ARHGEF10L: variants seen among roughly 807,000 people sequenced by gnomAD.
ARHGEF10L encodes the protein rho guanine nucleotide exchange factor 10-like protein.
Under a neutral mutation model 141.2 loss-of-function variants are expected in ARHGEF10L, and 69 were observed. The ratio of observed to expected loss-of-function variants is 0.49; its 90% confidence interval spans 0.40 to 0.60. ARHGEF10L has a LOEUF of 0.60. Ranked by LOEUF, ARHGEF10L falls within the 20% of genes least tolerant of loss-of-function variation. The probability of loss-of-function intolerance (pLI) is 0.00; values close to 1 mark genes in which losing one functional copy is unlikely to be tolerated. For synonymous variants in ARHGEF10L, 711 were observed against 718.5 expected, an observed-to-expected ratio of 0.99 and a Z score of 0.17; for missense variants, 1,482 against 1,734.3, an observed-to-expected ratio of 0.85 and a Z score of 2.58.
At chr1:17,695,370 A>G in intron 28 of ARHGEF10L, 90 bp downstream of exon 28, 2 of 1,482,942 alleles carry the variant, frequency 1.3e-6, no homozygotes, top group South Asian at 1.4e-5. Context: ...TTATGCCCTC[A>G]TTGGTATAGG....
intron 1 of ARHGEF10L, among the ~76,000 whole-genome samples, chr1:17,571,510 G>C (rs1169470562): frequency 6.6e-6 from 1 of 152,070 alleles, no homozygotes; most frequent in East Asian, 1.9e-4. Context: ...CAGATGAGCA[G>C]TAATGCAGCG....
intron 1 of ARHGEF10L, among the ~76,000 whole-genome samples, chr1:17,543,330 C>T (rs2076798274): frequency 6.6e-6 from 1 of 152,182 alleles, no homozygotes; most frequent in Non-Finnish European, 1.5e-5. Flanking sequence ...TGCGTGTAAT[C>T]CCAGCACTTT....
chr1:17,631,673 C>T (rs116175309), intron 15 of ARHGEF10L, among the ~76,000 whole-genome samples: 2,228 of 152,304 alleles, frequency 0.015, 68 homozygotes, highest in African/African-American at 0.051. Flanking sequence ...TGTGCCATCA[C>T]ACATGACCTG....
At chr1:17,560,936 T>A (rs74311669) in intron 1 of ARHGEF10L, among the ~76,000 whole-genome samples, 6,566 of 152,296 alleles carry the variant, frequency 0.043, 227 homozygotes, top group East Asian at 0.16. Context: ...GTTTCTGTCC[T>A]CTGGGAGCTG....
intron 1 of ARHGEF10L, among the ~76,000 whole-genome samples, chr1:17,552,117 C>T (rs2077131929): frequency 6.6e-6 from 1 of 152,062 alleles, no homozygotes; most frequent in African/African-American, 2.4e-5. Flanking sequence ...GGGGCTGGTG[C>T]AGGATTTGAT....
intron 8 of ARHGEF10L, among the ~76,000 whole-genome samples, chr1:17,614,365 C>G (rs932254842): frequency 1.3e-5 from 2 of 152,238 alleles, no homozygotes; most frequent in African/African-American, 4.8e-5. Context: ...CTGGGCCTTT[C>G]CCCCGCTTCG....
At chr1:17,548,540 CA>C (rs2076993249) in intron 1 of ARHGEF10L, among the ~76,000 whole-genome samples, 1 of 151,760 alleles carries the variant, frequency 6.6e-6, no homozygotes, top group Admixed American at 6.6e-5. Context: ...AAATTTATGT[CA>C]CCTTTACAAA....
At chr1:17,663,558 A>G (rs78717613) in intron 25 of ARHGEF10L, among the ~76,000 whole-genome samples, 5 of 97,908 alleles carry the variant, frequency 5.1e-5, no homozygotes, top group Admixed American at 8.9e-5. Context: ...TGTCTCAAAG[A>G]AAAAAAAAAA....
In ARHGEF10L at chr1:17,558,967, A is replaced by T. The variant is rs1056933919; in HGVS notation, c.-44+19017A>T. 5.9e-5 allele frequency among the ~76,000 whole-genome samples: 9 copies of T among 152,102 alleles called. No homozygotes were observed. Among genetic ancestry groups the T allele is most frequent in the Admixed American group, 5.9e-4 (9 of 15,274 alleles). ...AGATTGGAGCCTTTGCATTCATGAA[A>T]GCTGATGACTCCTTTCCACCAGTGA... On this transcript the variant is annotated intron_variant, in intron 1 of 28. Transcript: ENST00000361221. The surrounding 1 kb of genome is among the most constrained non-coding windows in gnomAD (Gnocchi z 4.2).
In ARHGEF10L at chr1:17,696,861, C is replaced by G; in HGVS notation, c.3321C>G (p.Val1107=). 6 of 1,557,066 alleles carry G rather than the reference C, an allele frequency of 3.9e-6. No homozygotes were observed. Among genetic ancestry groups the G allele is most frequent in the South Asian group, 1.2e-5 (1 of 84,390 alleles). The change falls in exon 29 of 29, where the codon GTC becomes GTG. Residue 1107 remains valine, a synonymous_variant. Transcript: ENST00000361221. Reference sequence around the variant, plus strand: ...CATTTTCTGCAGGGAAAGGCATGGTCTCACTCAACGGGCACTGTGGGCCTG... The same window carrying G: ...CATTTTCTGCAGGGAAAGGCATGGTGTCACTCAACGGGCACTGTGGGCCTG... ...GIPKITGKGM[V]SLNGHCGPVA... is the part of the protein sequence containing the mutation.
At chr1:17,579,572 C>A (rs1327308054) in intron 1 of ARHGEF10L, among the ~76,000 whole-genome samples, 2 of 152,206 alleles carry the variant, frequency 1.3e-5, no homozygotes, top group Non-Finnish European at 2.9e-5. Context: ...GTTGGCAATG[C>A]AAGAATGTCT....
chr1:17,631,689 T>C (rs2060702444), intron 15 of ARHGEF10L, among the ~76,000 whole-genome samples: 1 of 152,244 alleles, frequency 6.6e-6, no homozygotes, highest in African/African-American at 2.4e-5. Context: ...ACCTGTGCCA[T>C]CATACATGGC....
rs947919906 is a variant in ARHGEF10L at position 17,627,726 on chromosome 1, G to T, written c.1584+223G>T. ...AGATAAAAGTTCATTTTGTGCATCA[G>T]TGTGATTTCCAGTAAAGTCTCCAGA... On this transcript the variant is annotated intron_variant, in intron 15 of 28. Transcript: ENST00000361221. This position sits in a 1 kb window ranked among gnomAD's most constrained non-coding sequence, Gnocchi z 4.0. Among the ~76,000 whole-genome samples, 1 of 152,206 alleles carries T rather than the reference G, an allele frequency of 6.6e-6. No homozygotes were observed. Among genetic ancestry groups the T allele is most frequent in the Admixed American group, 6.5e-5 (1 of 15,280 alleles).
Position 17,619,258 on chromosome 1 carries a change from G to A in ARHGEF10L, c.836-81G>A. 1 of 1,404,236 alleles carries A rather than the reference G, an allele frequency of 7.1e-7. No homozygotes were observed. Among genetic ancestry groups the A allele is most frequent in the Non-Finnish European group, 9.9e-7 (1 of 1,008,986 alleles). 87.0% of individuals were successfully genotyped at this position (1,404,236 alleles called of 1,614,324 possible). On this transcript the variant is annotated intron_variant, in intron 9 of 28. Transcript: ENST00000361221. This position sits in a 1 kb window ranked among gnomAD's most constrained non-coding sequence, Gnocchi z 5.0. ...AGGACCTGGGTCCAAGGCTGGTCTA[G>A]GGGGGCTCTCAGCTCCTGAGGCCTG...
At chr1:17,563,765 T>C (rs2077636703) in intron 1 of ARHGEF10L, among the ~76,000 whole-genome samples, 1 of 151,824 alleles carries the variant, frequency 6.6e-6, no homozygotes, top group Non-Finnish European at 1.5e-5. Flanking sequence ...GGATTTGGAG[T>C]CCCCACTGTC....
At chr1:17,533,984 C>T in the ARHGEF10L span, among the ~76,000 whole-genome samples, 4 of 151,706 alleles carry the variant, frequency 2.6e-5, no homozygotes, top group Non-Finnish European at 5.9e-5. Context: ...TTTCTTGAGA[C>T]GGAGTCTTGC....
Position 17,656,805 on chromosome 1 carries a change from A to G in ARHGEF10L, c.2860+97A>G. The stretch of plus-strand genomic sequence containing the variant: ...AGAGGATACAGGAGGCTGGGCAGGA[A>G]TGAATTGGGAAATCTCAGTGCTGAG... On this transcript the variant is annotated intron_variant, in intron 25 of 28. Transcript: ENST00000361221. This position sits in a 1 kb window ranked among gnomAD's most constrained non-coding sequence, Gnocchi z 4.9. 2 of 1,435,030 alleles carry G rather than the reference A, an allele frequency of 1.4e-6. No individual in the cohort carries two copies. Among genetic ancestry groups the G allele is most frequent in the Non-Finnish European group, 1.9e-6 (2 of 1,067,950 alleles). The allele number at this position is 1,435,030 out of a possible 1,614,324, so 88.9% of individuals were successfully genotyped here.
At chr1:17,523,245 C>T in the ARHGEF10L span, among the ~76,000 whole-genome samples, 6 of 152,110 alleles carry the variant, frequency 3.9e-5, no homozygotes, top group African/African-American at 9.6e-5. Context: ...ACCACCACCA[C>T]GCCCAGCTAA....
intron 1 of ARHGEF10L, among the ~76,000 whole-genome samples, chr1:17,561,799 C>G (rs1401363920): frequency 6.6e-6 from 1 of 152,222 alleles, no homozygotes; most frequent in African/African-American, 2.4e-5. Flanking sequence ...GTGGCCCTTG[C>G]TTCTCCTTTC....
Sources: allele counts gnomAD v4.1 joint callset (sites outside exome capture counted in the v4.1 genomes callset), GRCh38; gene constraint gnomAD v4.1.1; non-coding constraint Gnocchi (gnomAD v3.1); transcripts MANE v1.5; gene names NCBI Gene and HGNC (gene_info 2026-07-23, HGNC 2026-07-21).